Variants in ITGA9 observed in about 807,000 individuals in gnomAD.
ITGA9 encodes the protein integrin subunit alpha 9, also known as integrin alpha-9.
A neutral mutation model predicts 127.8 loss-of-function variants in ITGA9; 56 were observed. That is an observed-to-expected ratio of 0.44 (90% confidence interval 0.35 to 0.55). ITGA9 has a LOEUF of 0.55. ITGA9 is among the 20% of genes least tolerant of loss of function. ITGA9 has a pLI of 0.00. For synonymous variants in ITGA9, 508 were observed against 514.5 expected, an observed-to-expected ratio of 0.99 and a Z score of 0.17; for missense variants, 1,196 against 1,347.1, an observed-to-expected ratio of 0.89 and a Z score of 1.76.
chr3:37,716,811 A>G (rs1701140278), intron 18 of ITGA9, among the ~76,000 whole-genome samples: 1 of 152,064 alleles, frequency 6.6e-6, no homozygotes, highest in Non-Finnish European at 1.5e-5. Flanking sequence ...AAAAACAAAT[A>G]TAGGAGAAAA....
At chr3:37,509,888 G>C (rs142548340) in intron 8 of ITGA9, among the ~76,000 whole-genome samples, 226 of 152,192 alleles carry the variant, frequency 1.5e-3, no homozygotes, top group Middle Eastern at 6.8e-3. Context: ...GAGCAAGTAG[G>C]GTATGAGTGG....
intron 15 of ITGA9, among the ~76,000 whole-genome samples, chr3:37,623,108 A>G (rs6780883): frequency 0.21 from 31,275 of 152,022 alleles, 3,433 homozygotes; most frequent in Middle Eastern, 0.28. Flanking sequence ...TTAAAAAGCA[A>G]ACAACTTCTG....
intron 18 of ITGA9, among the ~76,000 whole-genome samples, chr3:37,720,971 T>G (rs1701183849): frequency 6.6e-6 from 1 of 152,178 alleles, no homozygotes; most frequent in Non-Finnish European, 1.5e-5. Context: ...ACTTTTTTCC[T>G]CAGGGCCAAG....
intron 15 of ITGA9, among the ~76,000 whole-genome samples, chr3:37,556,048 G>A (rs540789605): frequency 1.3e-5 from 2 of 152,358 alleles, no homozygotes; most frequent in South Asian, 4.1e-4. Flanking sequence ...TGATGCTCTT[G>A]CTAGTGCTGG....
At chr3:37,725,450 ACCAT>A (rs1696176311) in intron 18 of ITGA9, among the ~76,000 whole-genome samples, 2 of 152,158 alleles carry the variant, frequency 1.3e-5, no homozygotes, top group Non-Finnish European at 2.9e-5. Context: ...TATTCAAAGC[ACCAT>A]GTCATGTTCT....
In ITGA9 at chr3:37,822,565, A is replaced by T. The variant is rs1174958210; in HGVS notation, c.*3576A>T. On this transcript the variant is annotated 3_prime_UTR_variant, in exon 28 of 28. Transcript: ENST00000264741. ...GTCAGCATCATGGGTACTCAGAGGT[A>T]TGGTAGACCTTGTAGAAGATCCACT... The T allele has an allele frequency of 6.6e-6, 1 of 152,194 alleles. No individual in the cohort carries two copies. Among genetic ancestry groups the T allele is most frequent in the East Asian group, 1.9e-4 (1 of 5,186 alleles). 9.4% of individuals were successfully genotyped at this position (152,194 alleles called of 1,614,324 possible).
At chr3:37,457,371 C>T (rs1188080073) in intron 1 of ITGA9, among the ~76,000 whole-genome samples, 1 of 152,062 alleles carries the variant, frequency 6.6e-6, no homozygotes, top group African/African-American at 2.4e-5. Context: ...ATGAGTTGTT[C>T]AGAGGGGCAG....
intron 18 of ITGA9, among the ~76,000 whole-genome samples, chr3:37,710,361 C>T (rs781698779): frequency 3.3e-5 from 5 of 151,898 alleles, no homozygotes; most frequent in Non-Finnish European, 5.9e-5. Context: ...ACCTGATCCC[C>T]GACATCGAGA....
chr3:37,560,324 C>T (rs1699474559), intron 15 of ITGA9, among the ~76,000 whole-genome samples: 2 of 152,120 alleles, frequency 1.3e-5, no homozygotes, highest in Admixed American at 6.5e-5. Context: ...GTGTATATGT[C>T]CCGCATTTTC....
In ITGA9 at chr3:37,598,544, C is replaced by T. The variant is rs548025455; in HGVS notation, c.1690-30643C>T. ...ATTAATCAATGTCCAGTGGGAGAGT[C>T]AGGGGGGTCAGGAAGATCTTGGCAC... is the stretch of plus-strand genomic sequence containing the variant. On this transcript the variant is annotated intron_variant, in intron 15 of 27. Coordinates refer to ENST00000264741, the MANE Select transcript of ITGA9 (RefSeq NM_002207.3). Among the ~76,000 whole-genome samples, 275 of 152,210 alleles carry T rather than the reference C, an allele frequency of 1.8e-3. 1 individual carries two copies. Among genetic ancestry groups the T allele is most frequent in the African/African-American group, 6.4e-3 (267 of 41,524 alleles).
intron 16 of ITGA9, among the ~76,000 whole-genome samples, chr3:37,642,177 C>T (rs1700340148): frequency 6.6e-6 from 1 of 152,140 alleles, no homozygotes; most frequent in African/African-American, 2.4e-5. Flanking sequence ...AACTCCTAGG[C>T]TCAAGGAATC....
At chr3:37,757,343 T>C (rs1319377848) in intron 23 of ITGA9, among the ~76,000 whole-genome samples, 2 of 151,784 alleles carry the variant, frequency 1.3e-5, no homozygotes, top group Non-Finnish European at 2.9e-5. Context: ...AGAAGTACCA[T>C]ACTTATATGA....
chr3:37,463,453 G>A lies in ITGA9; in HGVS notation c.186-7554G>A, dbSNP rs143186743. ...TGGCAAAGGATGGCTTCAGCTGGGA[G>A]GGCTTATTTTTGCTCCATATGTATT... On this transcript the variant is annotated intron_variant, in intron 1 of 27. Coordinates refer to ENST00000264741, the MANE Select transcript of ITGA9 (RefSeq NM_002207.3). Among the ~76,000 whole-genome samples, 4 of 152,286 alleles carry A rather than the reference G, an allele frequency of 2.6e-5. No homozygotes were observed. In the East Asian group the frequency reaches 7.7e-4, roughly 29 times the overall value.
intron 15 of ITGA9, among the ~76,000 whole-genome samples, chr3:37,602,510 G>A (rs1699931357): frequency 6.6e-6 from 1 of 152,018 alleles, no homozygotes; most frequent in South Asian, 2.1e-4. Context: ...AATGTATCAA[G>A]CAGAAACCCA....
intron 4 of ITGA9, among the ~76,000 whole-genome samples, chr3:37,484,941 G>A (rs961606261): frequency 5.9e-5 from 9 of 152,202 alleles, no homozygotes; most frequent in African/African-American, 1.4e-4. Context: ...TTCTGAGCAA[G>A]TGTTTGTTAA....
At chr3:37,658,446 C>G (rs534771930) in intron 17 of ITGA9, among the ~76,000 whole-genome samples, 1 of 152,056 alleles carries the variant, frequency 6.6e-6, no homozygotes, top group African/African-American at 2.4e-5. Context: ...TAATGCCATT[C>G]TTTATGTTTT....
chr3:37,496,210 T>A (rs1383267254), intron 5 of ITGA9, among the ~76,000 whole-genome samples: 1 of 152,208 alleles, frequency 6.6e-6, no homozygotes, highest in African/African-American at 2.4e-5. Flanking sequence ...GCAGAAAGTC[T>A]GAAGTTTTAT....
intron 23 of ITGA9, among the ~76,000 whole-genome samples, chr3:37,752,923 C>T (rs1696606319): frequency 6.6e-6 from 1 of 152,184 alleles, no homozygotes; most frequent in Non-Finnish European, 1.5e-5. Flanking sequence ...GATCTTCTTT[C>T]CTTGTAGCTA....
At chr3:37,774,726 A>C (rs897514476) in intron 23 of ITGA9, among the ~76,000 whole-genome samples, 1 of 147,898 alleles carries the variant, frequency 6.8e-6, no homozygotes, top group African/African-American at 2.5e-5. Flanking sequence ...CCAAAAAAAA[A>C]ACAAAAAACA....
Sources: allele counts gnomAD v4.1 joint callset (sites outside exome capture counted in the v4.1 genomes callset), GRCh38; gene constraint gnomAD v4.1.1; transcripts MANE v1.5; gene names NCBI Gene and HGNC (gene_info 2026-07-23, HGNC 2026-07-21).